The following WWOX variants were observed in gnomAD, a reference collection of about 807,000 sequenced individuals.
The protein encoded by WWOX is WW domain-containing oxidoreductase.
A neutral mutation model predicts 46.2 loss-of-function variants in WWOX; 69 were observed. The ratio of observed to expected loss-of-function variants is 1.49; its 90% confidence interval spans 1.23 to 1.82. The LOEUF (loss-of-function observed/expected upper bound fraction) is 1.82. Among genes scored for constraint, WWOX ranks in the 40% most tolerant of loss-of-function variants. The pLI is 0.00. For missense variants in WWOX, 919 were observed against 542.6 expected, an observed-to-expected ratio of 1.69 and a Z score of -6.89; for synonymous variants, 359 against 202.6, an observed-to-expected ratio of 1.77 and a Z score of -6.56.
intron 8 of WWOX, among the ~76,000 whole-genome samples, chr16:78,470,476 G>C (rs1171497002): frequency 1.3e-5 from 2 of 152,142 alleles, no homozygotes; most frequent in East Asian, 1.9e-4. Flanking sequence ...TCATCCTCAT[G>C]GGGAAGCAAG....
intron 3 of WWOX, among the ~76,000 whole-genome samples, chr16:78,113,541 G>C (rs2032612678): frequency 6.6e-6 from 1 of 152,162 alleles, no homozygotes; most frequent in Admixed American, 6.5e-5. Context: ...GGGCTTTGGG[G>C]GGAACCTGGA....
chr16:78,560,610 C>G (rs1039876333), intron 8 of WWOX, among the ~76,000 whole-genome samples: 13 of 152,128 alleles, frequency 8.5e-5, no homozygotes, highest in African/African-American at 2.7e-4. Context: ...CGCCATTATA[C>G]TCCAGTCTAG....
At chr16:78,270,964 T>G (rs56364915) in intron 5 of WWOX, among the ~76,000 whole-genome samples, 2 of 152,102 alleles carry the variant, frequency 1.3e-5, no homozygotes, top group Non-Finnish European at 2.9e-5. Flanking sequence ...AATAGTTGCA[T>G]TGAAAGGCCT....
intron 8 of WWOX, among the ~76,000 whole-genome samples, chr16:78,498,897 C>T (rs1430214603): frequency 6.6e-6 from 1 of 152,074 alleles, no homozygotes; most frequent in East Asian, 1.9e-4. Context: ...TAGGCAACTT[C>T]CTCGATTGTC....
chr16:78,285,907 T>C (rs1597444917), intron 5 of WWOX, among the ~76,000 whole-genome samples: 1 of 152,190 alleles, frequency 6.6e-6, no homozygotes, highest in African/African-American at 2.4e-5. Context: ...CCAGCCTCTT[T>C]ATTACTTCAC....
At chr16:78,850,706 G>T (rs545162664) in intron 8 of WWOX, among the ~76,000 whole-genome samples, 1 of 152,168 alleles carries the variant, frequency 6.6e-6, no homozygotes, top group African/African-American at 2.4e-5. Flanking sequence ...GCCAGTCACT[G>T]CCTGTGAACC....
intron 8 of WWOX, among the ~76,000 whole-genome samples, chr16:79,009,530 C>T (rs376017119): frequency 2.0e-5 from 3 of 151,684 alleles, no homozygotes; most frequent in Admixed American, 1.3e-4. Context: ...TGTAGTGGTG[C>T]GATCTCGGCT....
chr16:79,161,847 T>A (rs2050493276), intron 8 of WWOX, among the ~76,000 whole-genome samples: 1 of 152,234 alleles, frequency 6.6e-6, no homozygotes, highest in South Asian at 2.1e-4. Flanking sequence ...GAAATGCTTT[T>A]TCTGTCACCT....
chr16:78,780,896 C>T (rs1349770461), intron 8 of WWOX, among the ~76,000 whole-genome samples: 2 of 152,174 alleles, frequency 1.3e-5, no homozygotes, highest in African/African-American at 4.8e-5. Context: ...AAAGATCTGT[C>T]TGGCTGCCTT....
intron 8 of WWOX, among the ~76,000 whole-genome samples, chr16:79,127,998 G>T (rs948833458): frequency 2.6e-5 from 4 of 152,184 alleles, no homozygotes; most frequent in African/African-American, 9.7e-5. Flanking sequence ...GAGAGAAAGT[G>T]CATGGCAAAG....
Position 78,490,615 on chromosome 16 carries a change from A to G in WWOX, c.1056+57863A>G, listed in dbSNP as rs146989719. Reference sequence around the variant, plus strand: ...TGATGTGGCCCAGAGACCAAATGAAACAAACGATCCTCTGATTGCTCAGAT... The same window carrying G: ...TGATGTGGCCCAGAGACCAAATGAAGCAAACGATCCTCTGATTGCTCAGAT... On this transcript the variant is annotated intron_variant, in intron 8 of 8. Transcript: ENST00000566780. Among the ~76,000 whole-genome samples the G allele has an allele frequency of 6.4e-4, 97 of 152,324 alleles. No individual in the cohort carries two copies. The East Asian group carries it at 0.012, about 19-fold the overall frequency.
At chr16:78,532,786 T>G (rs2043653973) in intron 8 of WWOX, among the ~76,000 whole-genome samples, 1 of 152,086 alleles carries the variant, frequency 6.6e-6, no homozygotes, top group African/African-American at 2.4e-5. Flanking sequence ...TGAGAACACC[T>G]TGGGAAAGAC....
chr16:78,335,448 G>T (rs1331360519), intron 5 of WWOX, among the ~76,000 whole-genome samples: 2 of 152,088 alleles, frequency 1.3e-5, no homozygotes, highest in Non-Finnish European at 2.9e-5. Flanking sequence ...CCCTGCAGAG[G>T]ACATGATCTC....
At chr16:78,591,467 C>G (rs145128312) in intron 8 of WWOX, among the ~76,000 whole-genome samples, 30 of 152,344 alleles carry the variant, frequency 2.0e-4, no homozygotes, top group Non-Finnish European at 3.1e-4. Context: ...ATCCCCTCTT[C>G]CCTCTCATGT....
intron 8 of WWOX, among the ~76,000 whole-genome samples, chr16:79,003,082 TC>T (rs1467550121): frequency 2.0e-5 from 3 of 152,040 alleles, no homozygotes; most frequent in African/African-American, 7.2e-5. Context: ...ACCCCACTCT[TC>T]CCCCTGAAAA....
At chr16:78,724,068 G>C (rs1441163177) in intron 8 of WWOX, among the ~76,000 whole-genome samples, 4 of 152,140 alleles carry the variant, frequency 2.6e-5, no homozygotes, top group Non-Finnish European at 5.9e-5. Context: ...GCATATCTCA[G>C]ATCCAACCTC....
At chr16:78,603,411 C>T (rs956141783) in intron 8 of WWOX, among the ~76,000 whole-genome samples, 1 of 152,112 alleles carries the variant, frequency 6.6e-6, no homozygotes, top group Non-Finnish European at 1.5e-5. Flanking sequence ...AAAACTATAT[C>T]CTGCTGGGTG....
At chr16:78,784,230 C>G (rs2050400754) in intron 8 of WWOX, among the ~76,000 whole-genome samples, 1 of 152,078 alleles carries the variant, frequency 6.6e-6, no homozygotes, top group Non-Finnish European at 1.5e-5. Flanking sequence ...CTATTATCCT[C>G]CTTTTATAGA....
chr16:79,152,311 C>A (rs1346474702), intron 8 of WWOX, among the ~76,000 whole-genome samples: 1 of 152,066 alleles, frequency 6.6e-6, no homozygotes, highest in Admixed American at 6.5e-5. Context: ...GAACAGGCTT[C>A]CTCCTGAATC....
Sources: gnomAD v4.1 joint callset for allele counts (sites outside exome capture counted in the v4.1 genomes callset) on GRCh38, gnomAD v4.1.1 for gene constraint, MANE v1.5 for transcripts, NCBI Gene and HGNC (gene_info 2026-07-23, HGNC 2026-07-21) for gene names.